The following PCDH7 variants were observed in gnomAD, a reference collection of about 807,000 sequenced individuals.
PCDH7 encodes protocadherin-7.
In PCDH7, 17 loss-of-function variants were observed where a neutral mutation model predicts 58.9. The ratio of observed to expected loss-of-function variants is 0.29; its 90% CI spans 0.20 to 0.43. The LOEUF (loss-of-function observed/expected upper bound fraction) is 0.43. Among genes scored for constraint, PCDH7 ranks in the 20% least tolerant of loss-of-function variants. The pLI is 1.00. For missense variants in PCDH7, 1,274 were observed against 1,441.0 expected (o/e 0.88, Z 1.88); for synonymous variants, 664 against 616.4 (o/e 1.08, Z -1.14).
chr4:30,981,936 T>C (rs554008939), intron 3 of PCDH7, among the ~76,000 whole-genome samples: 13 of 152,338 alleles, frequency 8.5e-5, no homozygotes, highest in Admixed American at 7.2e-4. Flanking sequence ...GAACTCCACG[T>C]TAGAACAGAA....
At chr4:30,753,487 T>C (rs1718842374) in intron 1 of PCDH7, among the ~76,000 whole-genome samples, 1 of 152,178 alleles carries the variant, frequency 6.6e-6, no homozygotes, top group Non-Finnish European at 1.5e-5. Context: ...CAAAAATGAG[T>C]CATTTCTTAG....
intron 3 of PCDH7, among the ~76,000 whole-genome samples, chr4:30,961,054 T>A (rs890240172): frequency 2.6e-5 from 4 of 152,186 alleles, no homozygotes; most frequent in African/African-American, 7.2e-5. Flanking sequence ...TATGTGGATT[T>A]ATAGATCTTT....
At chr4:30,785,258 C>T (rs978160396) in intron 1 of PCDH7, among the ~76,000 whole-genome samples, 8 of 151,936 alleles carry the variant, frequency 5.3e-5, no homozygotes, top group South Asian at 2.1e-4. Context: ...TAGTAAATAA[C>T]GCACGATATC....
At chr4:30,938,806 A>G (rs1050493045) in intron 2 of PCDH7, among the ~76,000 whole-genome samples, 2 of 152,130 alleles carry the variant, frequency 1.3e-5, no homozygotes, top group Admixed American at 6.6e-5. Flanking sequence ...ATTACTCAAC[A>G]TGCCAACCTG....
intron 3 of PCDH7, among the ~76,000 whole-genome samples, chr4:30,961,056 T>C (rs1341774749): frequency 6.6e-6 from 1 of 152,194 alleles, no homozygotes; most frequent in Admixed American, 6.5e-5. Flanking sequence ...TGTGGATTTA[T>C]AGATCTTTAA....
intron 3 of PCDH7, among the ~76,000 whole-genome samples, chr4:31,124,904 A>T (rs969314645): frequency 6.6e-6 from 1 of 152,182 alleles, no homozygotes. Context: ...CTCACATCTA[A>T]TTCGCCAAGG....
chr4:30,842,524 C>T (rs953957802), intron 1 of PCDH7, among the ~76,000 whole-genome samples: 2 of 152,066 alleles, frequency 1.3e-5, no homozygotes, highest in Admixed American at 1.3e-4. Context: ...ATTATTATAT[C>T]CCCAGAACAT....
At chr4:30,953,887 C>T (rs554260671) in intron 3 of PCDH7, among the ~76,000 whole-genome samples, 2 of 152,044 alleles carry the variant, frequency 1.3e-5, no homozygotes, top group Admixed American at 1.3e-4. Context: ...AAGACAAGCA[C>T]AACAAAACAA....
intron 1 of PCDH7, among the ~76,000 whole-genome samples, chr4:30,821,558 G>T (rs1476286841): frequency 6.6e-6 from 1 of 152,198 alleles, no homozygotes; most frequent in Non-Finnish European, 1.5e-5. Context: ...GCATAGCCCT[G>T]TGTGCTTAAG....
intron 1 of PCDH7, among the ~76,000 whole-genome samples, chr4:30,915,058 C>T (rs976490563): frequency 1.3e-5 from 2 of 152,082 alleles, no homozygotes; most frequent in Non-Finnish European, 2.9e-5. Context: ...CTTCTTTGCT[C>T]TCTTTCATTC....
At chr4:31,145,562 A>G (rs1720621356), downstream of PCDH7, 1 of 152,142 alleles carries the variant, frequency 6.6e-6, no homozygotes, top group Non-Finnish European at 1.5e-5. Context: ...TTGGGTTTGG[A>G]CAATGAGGGG....
intron 1 of PCDH7, among the ~76,000 whole-genome samples, chr4:30,875,464 T>A (rs889579673): frequency 5.3e-5 from 8 of 152,074 alleles, no homozygotes; most frequent in African/African-American, 1.9e-4. Context: ...TGACTTGAAA[T>A]CCATCTCTTT....
At chr4:30,963,555 A>G (rs569794439) in intron 3 of PCDH7, among the ~76,000 whole-genome samples, 4 of 151,154 alleles carry the variant, frequency 2.6e-5, no homozygotes, top group Admixed American at 2.0e-4. Flanking sequence ...GATTGAATTT[A>G]TAGAACTTAA....
chr4:31,076,822 A>C (rs1317692146), intron 3 of PCDH7, among the ~76,000 whole-genome samples: 1 of 152,214 alleles, frequency 6.6e-6, no homozygotes, highest in Non-Finnish European at 1.5e-5. Flanking sequence ...TAATGATCAC[A>C]TCAACAGATG....
At chr4:30,813,578 A>G (rs1727274770) in intron 1 of PCDH7, among the ~76,000 whole-genome samples, 1 of 152,192 alleles carries the variant, frequency 6.6e-6, no homozygotes, top group African/African-American at 2.4e-5. Flanking sequence ...TACTAAACTC[A>G]TGCTTAGGAT....
chr4:31,084,338 T>C (rs73218824), intron 3 of PCDH7, among the ~76,000 whole-genome samples: 19,125 of 152,144 alleles, frequency 0.13, 1,386 homozygotes, highest in East Asian at 0.25. Flanking sequence ...GAATTTAATT[T>C]TTCTGCATTA....
At chr4:30,860,972 A>G (rs1317084531) in intron 1 of PCDH7, among the ~76,000 whole-genome samples, 17 of 152,186 alleles carry the variant, frequency 1.1e-4, no homozygotes, top group African/African-American at 4.1e-4. Context: ...TTTTAAAACT[A>G]TTTTTGGATC....
intron 1 of PCDH7, among the ~76,000 whole-genome samples, chr4:30,891,773 GTTTTTTT>G (rs554698491): frequency 6.5e-5 from 9 of 139,232 alleles, no homozygotes; most frequent in Middle Eastern, 3.9e-3. Context: ...TTGTTTTTTT[GTTTTTTT>G]TTTTTCTCTG....
intron 3 of PCDH7, among the ~76,000 whole-genome samples, chr4:31,127,334 C>T (rs555301204): frequency 6.6e-6 from 1 of 152,176 alleles, no homozygotes; most frequent in South Asian, 2.1e-4. Flanking sequence ...GTTTGTTAAG[C>T]GCAGACACGT....
Sources: gnomAD v4.1 joint callset for allele counts (sites outside exome capture counted in the v4.1 genomes callset) on GRCh38, gnomAD v4.1.1 for gene constraint, MANE v1.5 for transcripts, NCBI Gene and HGNC (gene_info 2026-07-23, HGNC 2026-07-21) for gene names.